Variants in BTBD10 observed in about 807,000 individuals in gnomAD.
BTBD10 encodes the protein BTB domain containing 10, also known as BTB/POZ domain-containing protein 10.
BTBD10 carries 21 observed loss-of-function variants against 53.2 expected under a neutral mutation model. The ratio of observed to expected loss-of-function variants is 0.39; its 90% confidence interval spans 0.28 to 0.57. The LOEUF (loss-of-function observed/expected upper bound fraction) is 0.57. Among genes scored for constraint, BTBD10 ranks in the 20% least tolerant of loss-of-function variants. The probability of loss-of-function intolerance (pLI) is 0.53; values close to 1 mark genes in which losing one functional copy is unlikely to be tolerated. For missense variants in BTBD10, 360 were observed against 594.7 expected (o/e 0.61, Z 4.10); for synonymous variants, 149 against 192.7 (o/e 0.77, Z 1.88).
intron 2 of BTBD10, among the ~76,000 whole-genome samples, chr11:13,422,365 T>C (rs11022815): frequency 0.15 from 23,035 of 152,130 alleles, 1,999 homozygotes; most frequent in Admixed American, 0.24. Context: ...AAGCATTTCT[T>C]AGCCAGGCAC....
chr11:13,414,877 T>C (rs1383211319), intron 5 of BTBD10, among the ~76,000 whole-genome samples: 1 of 145,836 alleles, frequency 6.9e-6, no homozygotes, highest in Non-Finnish European at 1.5e-5. Context: ...AAAAGACCTG[T>C]CTCAAGTTTT....
chr11:13,392,076 T>C (rs1307622133), intron 8 of BTBD10, among the ~76,000 whole-genome samples: 1 of 152,250 alleles, frequency 6.6e-6, no homozygotes, highest in Non-Finnish European at 1.5e-5. Flanking sequence ...AAAATTGTAA[T>C]GCCAGATCAC....
At chr11:13,445,399 T>C (rs993856168) in intron 1 of BTBD10, among the ~76,000 whole-genome samples, 2 of 152,198 alleles carry the variant, frequency 1.3e-5, no homozygotes, top group Non-Finnish European at 2.9e-5. Context: ...GCTACCACTA[T>C]GTAACAGTTT....
rs1950304013 is a variant in BTBD10, at chr11:13,424,696, G to A, written c.102-2858C>T. ...AGCCCTAATATCTATTTCCAGCCAA[G>A]ATAGAATAACAAGGGCTGAGTTCAT... On this transcript the variant is annotated intron_variant, in intron 2 of 8. Transcript: ENST00000278174. Among the ~76,000 whole-genome samples the A allele has an allele frequency of 1.3e-5, 2 of 152,078 alleles. 1 individual carries two copies. The highest frequency in any genetic ancestry group is 4.1e-4 in the South Asian group (2 of 4,826).
intron 1 of BTBD10, among the ~76,000 whole-genome samples, chr11:13,448,006 A>G (rs1950780696): frequency 1.3e-5 from 2 of 152,150 alleles, no homozygotes; most frequent in South Asian, 4.1e-4. Flanking sequence ...GGCACATATT[A>G]TATACTATTT....
intron 1 of BTBD10, among the ~76,000 whole-genome samples, chr11:13,456,221 G>A (rs1382268972): frequency 6.6e-6 from 1 of 152,048 alleles, no homozygotes; most frequent in Admixed American, 6.5e-5. Context: ...GAAAGTCTGT[G>A]GTGCATGAAT....
chr11:13,446,911 G>C (rs1950757965), intron 1 of BTBD10, among the ~76,000 whole-genome samples: 1 of 152,046 alleles, frequency 6.6e-6, no homozygotes, highest in Non-Finnish European at 1.5e-5. Flanking sequence ...AAGAAAATGG[G>C]GAGAATGAAC....
chr11:13,400,246 G>T (rs572351489), intron 8 of BTBD10, among the ~76,000 whole-genome samples: 38 of 152,348 alleles, frequency 2.5e-4, no homozygotes, highest in African/African-American at 8.4e-4. Context: ...CTGAGCAATG[G>T]CGGGTGCCCC....
At chr11:13,446,478 AC>A (rs1950751262) in intron 1 of BTBD10, among the ~76,000 whole-genome samples, 1 of 152,164 alleles carries the variant, frequency 6.6e-6, no homozygotes, top group Non-Finnish European at 1.5e-5. Flanking sequence ...CTTTCTAAAA[AC>A]AGCTGAAAAT....
chr11:13,397,968 G>A (rs542187880), intron 8 of BTBD10, among the ~76,000 whole-genome samples: 21 of 152,264 alleles, frequency 1.4e-4, no homozygotes, highest in African/African-American at 3.6e-4. Context: ...CCAACTATGT[G>A]GTCAATTTTG....
At chr11:13,402,384 C>A (rs1949732905) in intron 8 of BTBD10, among the ~76,000 whole-genome samples, 1 of 152,146 alleles carries the variant, frequency 6.6e-6, no homozygotes, top group African/African-American at 2.4e-5. Context: ...TCTATCCTTA[C>A]AAAAACCTTA....
chr11:13,406,708 C>T (rs1211993070), intron 6 of BTBD10, among the ~76,000 whole-genome samples: 2 of 151,720 alleles, frequency 1.3e-5, no homozygotes, highest in Non-Finnish European at 2.9e-5. Flanking sequence ...GAACTCATAA[C>T]CTACAGTCTC....
intron 2 of BTBD10, among the ~76,000 whole-genome samples, chr11:13,427,267 C>T (rs1261331024): frequency 1.3e-5 from 2 of 151,906 alleles, no homozygotes; most frequent in Non-Finnish European, 2.9e-5. Context: ...CTATATGGTA[C>T]AAAGAGATTC....
At chr11:13,456,925 C>G (rs1403517909) in intron 1 of BTBD10, among the ~76,000 whole-genome samples, 2 of 152,112 alleles carry the variant, frequency 1.3e-5, no homozygotes, top group African/African-American at 4.8e-5. Context: ...TTTTGGGAAG[C>G]TGAGGTGGAC....
intron 1 of BTBD10, among the ~76,000 whole-genome samples, chr11:13,455,004 G>A (rs563502621): frequency 2.6e-5 from 4 of 152,122 alleles, no homozygotes; most frequent in Admixed American, 6.5e-5. Context: ...TCTGCCTCCC[G>A]GGTTCAAGCA....
In BTBD10 at chr11:13,419,448, A is replaced by G. The variant is rs756454993; in HGVS notation, c.584+12T>C. ...TATAATTAGTAATGCAAATAACTGC[A>G]ATAATACAAACCTGCCCAACATTGT... On this transcript the variant is annotated intron_variant, in intron 4 of 8. Transcript: ENST00000278174. 3 of 1,603,056 alleles carry G rather than the reference A, an allele frequency of 1.9e-6. No homozygotes were observed. The highest frequency in any genetic ancestry group is 2.5e-6 in the Non-Finnish European group (3 of 1,176,758).
In BTBD10 at chr11:13,411,833, C is replaced by CT. The variant is rs749745152; in HGVS notation, c.808+1696dup. 1.6e-3 allele frequency among the ~76,000 whole-genome samples: 233 copies of CT among 142,976 alleles called. 1 individual carries two copies. Among genetic ancestry groups the CT allele is most frequent in the Non-Finnish European group, 1.5e-3 (96 of 64,812 alleles). The allele number at this position is 142,976 out of a possible 152,430, so 93.8% of individuals were successfully genotyped here. On this transcript the variant is annotated intron_variant, in intron 6 of 8. Transcript: ENST00000278174. ...ATAATGCTCATGGTTTCAACTAAAA[C>CT]TTTTTTTTTTTTTTTGAGATGGAGT...
In BTBD10 at chr11:13,430,247, T is replaced by C. The variant is rs191656202; in HGVS notation, c.102-8409A>G. Among the ~76,000 whole-genome samples the C allele has an allele frequency of 2.6e-5, 4 of 152,306 alleles. No homozygotes were observed. The East Asian group carries it at 5.8e-4, about 22-fold the overall frequency. On this transcript the variant is annotated intron_variant, in intron 2 of 8. Coordinates refer to ENST00000278174, the MANE Select transcript of BTBD10 (RefSeq NM_032320.7). ...AAAATAATGGGTAAAAAATTTGAGATATGCAGATGAAAAATAAGTACATGA... is the reference window on the plus strand; with the variant it reads ...AAAATAATGGGTAAAAAATTTGAGACATGCAGATGAAAAATAAGTACATGA...
intron 1 of BTBD10, among the ~76,000 whole-genome samples, chr11:13,459,949 C>T (rs1414540395): frequency 7.2e-5 from 11 of 152,128 alleles, no homozygotes; most frequent in South Asian, 2.1e-4. Context: ...CAAGTAAAGA[C>T]GAAAATAATG....
Sources: allele counts gnomAD v4.1 joint callset (sites outside exome capture counted in the v4.1 genomes callset), GRCh38; gene constraint gnomAD v4.1.1; transcripts MANE v1.5; gene names NCBI Gene and HGNC (gene_info 2026-07-23, HGNC 2026-07-21).